TASP1: variants seen among roughly 807,000 people sequenced by gnomAD.
TASP1 encodes taspase 1.
A neutral mutation model predicts 56.6 loss-of-function variants in TASP1; 16 were observed. That is an observed-to-expected ratio of 0.28 (90% CI 0.19 to 0.43). The LOEUF is 0.43. Among genes scored for constraint, TASP1 ranks in the 20% least tolerant of loss-of-function variants. TASP1 has a pLI of 1.00. For missense variants in TASP1, 393 were observed against 511.6 expected, an observed-to-expected ratio of 0.77 and a Z score of 2.24; for synonymous variants, 179 against 184.2, an observed-to-expected ratio of 0.97 and a Z score of 0.23.
chr20:13,563,941 A>G (rs755166578), intron 7 of TASP1, among the ~76,000 whole-genome samples: 1 of 152,220 alleles, frequency 6.6e-6, no homozygotes. Context: ...CTAACATCAT[A>G]TCTATGGTGA....
At chr20:13,154,278 C>G in the TASP1 span, 2 of 1,055,022 alleles carry the variant, frequency 1.9e-6, no homozygotes, top group Non-Finnish European at 2.7e-6. Flanking sequence ...CGGAAGCCAC[C>G]TGTCACTCTA....
At chr20:13,206,407 C>T in the TASP1 span, among the ~76,000 whole-genome samples, 4 of 152,110 alleles carry the variant, frequency 2.6e-5, no homozygotes, top group African/African-American at 7.2e-5. Flanking sequence ...AAGGATTACG[C>T]TTTTTATTAC....
At chr20:13,304,016 C>A in the TASP1 span, among the ~76,000 whole-genome samples, 1 of 152,230 alleles carries the variant, frequency 6.6e-6, no homozygotes, top group Non-Finnish European at 1.5e-5. Flanking sequence ...CAGACTCCTT[C>A]CATCTTGTGG....
the TASP1 span, among the ~76,000 whole-genome samples, chr20:13,187,042 C>A: frequency 3.9e-5 from 6 of 152,078 alleles, no homozygotes; most frequent in Admixed American, 3.3e-4. Context: ...CTAAGAGAAT[C>A]AAGTGGAAAC....
At chr20:13,493,919 G>C (rs2043630219) in intron 10 of TASP1, among the ~76,000 whole-genome samples, 1 of 151,904 alleles carries the variant, frequency 6.6e-6, no homozygotes. Context: ...AGAGCATCAG[G>C]GACAAATGAA....
intron 10 of TASP1, among the ~76,000 whole-genome samples, chr20:13,513,993 A>C (rs561818450): frequency 2.0e-5 from 3 of 152,294 alleles, no homozygotes; most frequent in Non-Finnish European, 4.4e-5. Flanking sequence ...TTACTTTTGC[A>C]TGAGAAGGAA....
chr20:13,246,202 G>A, the TASP1 span, among the ~76,000 whole-genome samples: 1 of 151,854 alleles, frequency 6.6e-6, no homozygotes, highest in Non-Finnish European at 1.5e-5. Flanking sequence ...GAACCCAGGA[G>A]GCGGAGGTTG....
At chr20:13,505,092 AATG>A (rs1171633197) in intron 10 of TASP1, among the ~76,000 whole-genome samples, 1 of 152,170 alleles carries the variant, frequency 6.6e-6, no homozygotes, top group Non-Finnish European at 1.5e-5. Context: ...AAAAGATATA[AATG>A]AAAACCAAAA....
the TASP1 span, among the ~76,000 whole-genome samples, chr20:13,142,813 A>T: frequency 6.6e-6 from 1 of 152,156 alleles, no homozygotes; most frequent in African/African-American, 2.4e-5. Context: ...GTCAATGGGA[A>T]CACTCTCAGC....
At chr20:13,523,496 A>C (rs970722524) in intron 10 of TASP1, among the ~76,000 whole-genome samples, 2 of 152,194 alleles carry the variant, frequency 1.3e-5, no homozygotes, top group Non-Finnish European at 2.9e-5. Flanking sequence ...TCCCATAGAC[A>C]ATCTCCCACA....
intron 13 of TASP1, among the ~76,000 whole-genome samples, chr20:13,400,802 G>C (rs1016484455): frequency 6.6e-6 from 1 of 152,172 alleles, no homozygotes; most frequent in African/African-American, 2.4e-5. Flanking sequence ...CAAATTTTCA[G>C]TATTGCTTTA....
At chr20:13,515,450 T>A (rs2044485648) in intron 10 of TASP1, among the ~76,000 whole-genome samples, 1 of 151,310 alleles carries the variant, frequency 6.6e-6, no homozygotes, top group South Asian at 2.1e-4. Flanking sequence ...ACTGGCATTA[T>A]CTGGGAGCTT....
At chr20:13,437,126 C>T (rs950832633) in intron 11 of TASP1, among the ~76,000 whole-genome samples, 3 of 151,970 alleles carry the variant, frequency 2.0e-5, no homozygotes, top group Non-Finnish European at 2.9e-5. Flanking sequence ...ACTGGCAAAC[C>T]GAATCCAGCA....
chr20:13,591,480 A>G (rs1170136162), intron 4 of TASP1, among the ~76,000 whole-genome samples: 2 of 152,274 alleles, frequency 1.3e-5, no homozygotes, highest in East Asian at 3.9e-4. Context: ...TGAGAAAACT[A>G]CAAAATGTCT....
chr20:13,176,540 T>G, the TASP1 span, among the ~76,000 whole-genome samples: 1 of 152,354 alleles, frequency 6.6e-6, no homozygotes, highest in East Asian at 1.9e-4. Context: ...GAACCATCTT[T>G]GCATTCCTGG....
rs144902725 is a variant in TASP1, at chr20:13,466,948, T to A, written c.985+16279A>T. ...GTGAGGTAGGCAAAGCAGACTTGTC[T>A]GTGCTTTTTTAAGCCACAAAAATGA... On this transcript the variant is annotated intron_variant, in intron 11 of 13. Coordinates refer to ENST00000337743, the MANE Select transcript of TASP1 (RefSeq NM_017714.3). 7.8e-3 allele frequency among the ~76,000 whole-genome samples: 1,193 copies of A among 152,250 alleles called. 12 individuals carry two copies. Among genetic ancestry groups the A allele is most frequent in the African/African-American group, 0.028 (1,151 of 41,548 alleles).
chr20:13,634,983 G>A (rs373111868), intron 1 of TASP1, among the ~76,000 whole-genome samples: 15 of 152,186 alleles, frequency 9.9e-5, no homozygotes, highest in African/African-American at 3.1e-4. Flanking sequence ...AGCAGAGACC[G>A]CGCCATCGCA....
At chr20:13,638,535 A>G (rs765618913) in intron 1 of TASP1, among the ~76,000 whole-genome samples, 1 of 152,112 alleles carries the variant, frequency 6.6e-6, no homozygotes, top group Non-Finnish European at 1.5e-5. Flanking sequence ...CAAGGCGCAC[A>G]TTCTCGGCTG....
At chr20:13,145,761 A>C in the TASP1 span, among the ~76,000 whole-genome samples, 4 of 152,244 alleles carry the variant, frequency 2.6e-5, no homozygotes, top group Non-Finnish European at 5.9e-5. Flanking sequence ...TACAGCAACC[A>C]AAACAGCATG....
Sources: gnomAD v4.1 joint callset for allele counts (sites outside exome capture counted in the v4.1 genomes callset) on GRCh38, gnomAD v4.1.1 for gene constraint, MANE v1.5 for transcripts, NCBI Gene and HGNC (gene_info 2026-07-23, HGNC 2026-07-21) for gene names.